The following ZFAT variants were observed in gnomAD, a reference collection of about 807,000 sequenced individuals.
ZFAT encodes zinc finger protein ZFAT.
In ZFAT, 64 loss-of-function variants were observed where a neutral mutation model predicts 117.7. That is an observed-to-expected ratio of 0.54 (90% CI 0.44 to 0.67). The LOEUF is 0.67. Among genes scored for constraint, ZFAT ranks in the 30% least tolerant of loss-of-function variants. The pLI is 0.00. For synonymous variants in ZFAT, 679 were observed against 615.0 expected (o/e 1.10, Z -1.54); for missense variants, 1,433 against 1,584.5 (o/e 0.90, Z 1.62).
intron 10 of ZFAT, among the ~76,000 whole-genome samples, chr8:134,576,001 A>G (rs866257498): frequency 5.3e-5 from 8 of 152,314 alleles, no homozygotes; most frequent in Middle Eastern, 6.8e-3. Context: ...CAGTTTTGAT[A>G]TAAGGAGGGA....
intron 7 of ZFAT, among the ~76,000 whole-genome samples, chr8:134,593,042 G>A (rs535964758): frequency 6.6e-6 from 1 of 152,144 alleles, no homozygotes; most frequent in Non-Finnish European, 1.5e-5. Flanking sequence ...GCTCCTCAGA[G>A]CACTCCTGTC....
chr8:134,532,816 C>A lies in ZFAT; in HGVS notation c.3115+18G>T. 1 of 1,607,918 alleles carries A rather than the reference C, an allele frequency of 6.2e-7. No individual in the cohort carries two copies. Among genetic ancestry groups the A allele is most frequent in the South Asian group, 1.1e-5 (1 of 89,986 alleles). ...AAAGGAAGCGGGCAGGGCCCCAGCTCGCTGGCCCCTCGCCTACCTTGCTGG... is the reference window on the plus strand; with the variant it reads ...AAAGGAAGCGGGCAGGGCCCCAGCTAGCTGGCCCCTCGCCTACCTTGCTGG... On this transcript the variant is annotated intron_variant, in intron 12 of 15. Coordinates refer to ENST00000377838, the MANE Select transcript of ZFAT (RefSeq NM_020863.4).
intron 14 of ZFAT, among the ~76,000 whole-genome samples, chr8:134,511,855 G>C (rs1277742298): frequency 6.6e-6 from 1 of 152,008 alleles, no homozygotes; most frequent in Non-Finnish European, 1.5e-5. Flanking sequence ...TGGGCCTTTT[G>C]GGAAGGACTT....
chr8:134,566,621 C>T (rs1395587492), intron 10 of ZFAT, among the ~76,000 whole-genome samples: 1 of 152,184 alleles, frequency 6.6e-6, no homozygotes, highest in Non-Finnish European at 1.5e-5. Context: ...TGTAAACCTC[C>T]TCAGGGCATT....
chr8:134,525,722 C>T (rs1243417282), intron 12 of ZFAT, among the ~76,000 whole-genome samples: 1 of 152,230 alleles, frequency 6.6e-6, no homozygotes, highest in East Asian at 1.9e-4. Context: ...CCGCCCACTG[C>T]TTCCTGGCCC....
At position 134,638,123 on chromosome 8, in the gene ZFAT, A is replaced by G. The variant is rs7818023; in HGVS notation, c.197-411T>C. Among the ~76,000 whole-genome samples, 670 of 152,318 alleles carry G rather than the reference A, an allele frequency of 4.4e-3. 3 individuals are homozygous for G. The highest frequency in any genetic ancestry group is 0.015 in the African/African-American group (640 of 41,576). On this transcript the variant is annotated intron_variant, in intron 2 of 15. Transcript: ENST00000377838. ...GTTCTCAAAGGCTGCTGAGCTTGTC[A>G]TGCCCTTAATGAGTTACAAAACTAT... is the stretch of plus-strand genomic sequence containing the variant.
the ZFAT span, among the ~76,000 whole-genome samples, chr8:134,781,219 G>A: frequency 8.5e-5 from 13 of 152,102 alleles, no homozygotes; most frequent in Admixed American, 2.0e-4. Context: ...TCAATCTCCT[G>A]TGCTCAAGCA....
At chr8:134,757,863 A>G in the ZFAT span, among the ~76,000 whole-genome samples, 3 of 152,148 alleles carry the variant, frequency 2.0e-5, no homozygotes, top group African/African-American at 7.2e-5. Context: ...AGAGAGGGGA[A>G]CAGCTCTCTT....
chr8:134,642,650 C>G lies in ZFAT; in HGVS notation c.197-4938G>C, dbSNP rs541576615. Among the ~76,000 whole-genome samples, 9 of 152,312 alleles carry G rather than the reference C, an allele frequency of 5.9e-5. No individual in the cohort carries two copies. In the East Asian group the frequency reaches 1.7e-3, roughly 29 times the overall value. On this transcript the variant is annotated intron_variant, in intron 2 of 15. Transcript: ENST00000377838. ...TTGAGTTCTTCATTTTAAAATAGCT[C>G]TCACACCAGGAAATCCAATGTAGAA...
At position 134,583,998 on chromosome 8, in the gene ZFAT, C is replaced by T; in HGVS notation, c.2721G>A (p.Lys907=). The change falls in exon 10 of 16, where the codon AAG becomes AAA. Residue 907 remains lysine (K), a synonymous_variant. Transcript: ENST00000377838. ...ACTCACACAAAGAACACTTGAAGGG[C>T]TTCACACCTGCCAAGGGAAAAATGT... ...QRHIWAHEGV[K]PFKCSLCEYA... The T allele has an allele frequency of 6.4e-7, 1 of 1,554,526 alleles. No individual in the cohort carries two copies. Among genetic ancestry groups the T allele is most frequent in the South Asian group, 1.2e-5 (1 of 84,250 alleles).
chr8:134,710,250 T>C (rs1261052605), intron 1 of ZFAT, among the ~76,000 whole-genome samples: 1 of 152,166 alleles, frequency 6.6e-6, no homozygotes, highest in East Asian at 1.9e-4. Context: ...TCTAACAAAA[T>C]GGAGCCAGAG....
intron 2 of ZFAT, among the ~76,000 whole-genome samples, chr8:134,641,819 C>T (rs532104901): frequency 6.6e-6 from 1 of 152,306 alleles, no homozygotes; most frequent in East Asian, 1.9e-4. Context: ...TAACTCTGCT[C>T]TAAATCCACA....
At chr8:134,541,005 G>A (rs74885449) in intron 11 of ZFAT, among the ~76,000 whole-genome samples, 1,879 of 152,300 alleles carry the variant, frequency 0.012, 37 homozygotes, top group African/African-American at 0.043. Flanking sequence ...AGAGGGGCCA[G>A]TTCTCGTAGG....
At chr8:134,586,330 A>G (rs1034732554) in intron 9 of ZFAT, among the ~76,000 whole-genome samples, 9 of 152,240 alleles carry the variant, frequency 5.9e-5, no homozygotes, top group Non-Finnish European at 1.2e-4. Flanking sequence ...TAAGTACCCA[A>G]TATGTGCTAA....
the ZFAT span, among the ~76,000 whole-genome samples, chr8:134,825,523 C>T: frequency 0.032 from 4,829 of 152,214 alleles, 242 homozygotes; most frequent in African/African-American, 0.11. Flanking sequence ...TTTCTTTACT[C>T]CATCAGATAA....
chr8:134,609,234 C>T (rs1047812777), intron 4 of ZFAT, among the ~76,000 whole-genome samples: 7 of 151,738 alleles, frequency 4.6e-5, no homozygotes, highest in Admixed American at 2.6e-4. Context: ...TAGGATCACC[C>T]GTGTCAAACT....
Position 134,544,057 on chromosome 8 carries a change from G to A in ZFAT, c.2977-11085C>T, listed in dbSNP as rs11988288. Among the ~76,000 whole-genome samples the A allele has an allele frequency of 7.4e-3, 1,134 of 152,244 alleles. 24 individuals are homozygous for A. Among genetic ancestry groups the A allele is most frequent in the African/African-American group, 0.026 (1,079 of 41,526 alleles). Reference sequence around the variant, plus strand: ...AGCTAGGCTCCCATCCATTCTTCACGAGCCTCATCTTGCTCTTTACTCCCC... The same window carrying A: ...AGCTAGGCTCCCATCCATTCTTCACAAGCCTCATCTTGCTCTTTACTCCCC... On this transcript the variant is annotated intron_variant, in intron 11 of 15. Transcript: ENST00000377838.
chr8:134,796,945 T>G, the ZFAT span: 1 of 152,214 alleles, frequency 6.6e-6, no homozygotes. Context: ...AGTGACATAG[T>G]CTGGTCACTG....
chr8:134,534,322 T>C (rs1476850710), intron 11 of ZFAT, among the ~76,000 whole-genome samples: 2 of 152,350 alleles, frequency 1.3e-5, no homozygotes, highest in African/African-American at 4.8e-5. Context: ...CCACTGCATC[T>C]ATTAAGACCT....
Sources: gnomAD v4.1 joint callset for allele counts (sites outside exome capture counted in the v4.1 genomes callset) on GRCh38, gnomAD v4.1.1 for gene constraint, MANE v1.5 for transcripts, NCBI Gene and HGNC (gene_info 2026-07-23, HGNC 2026-07-21) for gene names.